The following ASCC3 variants were observed in gnomAD, a reference collection of about 807,000 sequenced individuals.
ASCC3 encodes the protein activating signal cointegrator 1 complex subunit 3.
ASCC3 carries 158 observed loss-of-function variants against 256.3 expected under a neutral mutation model. The ratio of observed to expected loss-of-function variants is 0.62; its 90% CI spans 0.54 to 0.70. The LOEUF (loss-of-function observed/expected upper bound fraction) is 0.70. Ranked by LOEUF, ASCC3 falls within the 30% of genes least tolerant of loss-of-function variation. The probability of loss-of-function intolerance (pLI) is 0.00; values close to 1 mark genes in which losing one functional copy is unlikely to be tolerated. For missense variants in ASCC3, 2,259 were observed against 2,626.0 expected (o/e 0.86, Z 3.05); for synonymous variants, 948 against 883.4 (o/e 1.07, Z -1.30).
rs552341596 is a variant in ASCC3, at chr6:100,730,940, T to A, written c.1738-5237A>T. Among the ~76,000 whole-genome samples the A allele has an allele frequency of 9.8e-5, 15 of 152,300 alleles. No individual in the cohort carries two copies. The South Asian group carries it at 3.1e-3, about 32-fold the overall frequency. On this transcript the variant is annotated intron_variant, in intron 10 of 41. Coordinates refer to ENST00000369162, the MANE Select transcript of ASCC3 (RefSeq NM_006828.4). ...TTATGTCAAGGATGGTGGCTTTCAATTACAAAATAAAAATGTATTCAAGTA... is the reference window on the plus strand; with the variant it reads ...TTATGTCAAGGATGGTGGCTTTCAAATACAAAATAAAAATGTATTCAAGTA...
intron 34 of ASCC3, among the ~76,000 whole-genome samples, chr6:100,590,431 A>G (rs761002197): frequency 1.2e-4 from 18 of 152,166 alleles, no homozygotes; most frequent in Non-Finnish European, 1.6e-4. Flanking sequence ...CATCCCTGCA[A>G]CACTGAGAAG....
intron 39 of ASCC3, 30 bp downstream of exon 39, chr6:100,516,150 G>A (rs1429791643): frequency 3.7e-6 from 6 of 1,613,116 alleles, no homozygotes; most frequent in South Asian, 1.1e-5. Context: ...GAGTAGGGGA[G>A]CCTTCAAAAC....
intron 14 of ASCC3, among the ~76,000 whole-genome samples, chr6:100,672,014 T>C (rs1025239185): frequency 2.6e-5 from 4 of 152,174 alleles, no homozygotes; most frequent in Middle Eastern, 3.4e-3. Context: ...CATGTTTTTA[T>C]GTCAGCCTTT....
chr6:100,588,441 A>G (rs1771818847), intron 36 of ASCC3, among the ~76,000 whole-genome samples: 1 of 152,124 alleles, frequency 6.6e-6, no homozygotes, highest in African/African-American at 2.4e-5. Context: ...ACTTTTATGA[A>G]TCTTTGGCTA....
At chr6:100,801,272 T>C (rs1367076149) in intron 5 of ASCC3, among the ~76,000 whole-genome samples, 1 of 152,060 alleles carries the variant, frequency 6.6e-6, no homozygotes, top group East Asian at 1.9e-4. Flanking sequence ...AGAAGGAATG[T>C]AGTTGAAAGT....
At chr6:100,726,931 G>A (rs1456534268) in intron 10 of ASCC3, among the ~76,000 whole-genome samples, 2 of 151,958 alleles carry the variant, frequency 1.3e-5, no homozygotes, top group East Asian at 3.9e-4. Flanking sequence ...CCTGTCCACT[G>A]GGAAAATGGC....
At chr6:100,537,128 C>A (rs890159906) in intron 37 of ASCC3, among the ~76,000 whole-genome samples, 1 of 151,946 alleles carries the variant, frequency 6.6e-6, no homozygotes, top group Non-Finnish European at 1.5e-5. Context: ...TTATTAATTA[C>A]AAAAGAAAAA....
chr6:100,580,686 C>G (rs1367337379), intron 36 of ASCC3, among the ~76,000 whole-genome samples: 1 of 151,550 alleles, frequency 6.6e-6, no homozygotes, highest in Non-Finnish European at 1.5e-5. Flanking sequence ...CACCCACTAA[C>G]TCGTCATCTA....
At chr6:100,872,988 C>T (rs1350210701) in intron 1 of ASCC3, among the ~76,000 whole-genome samples, 2 of 152,008 alleles carry the variant, frequency 1.3e-5, no homozygotes, top group African/African-American at 4.8e-5. Context: ...CTTTAACACC[C>T]CCCCCAAAAA....
chr6:100,806,019 T>G, intron 4 of ASCC3, 139 bp from the exon 5 acceptor site: 5 of 730,568 alleles, frequency 6.8e-6, no homozygotes, highest in Non-Finnish European at 1.1e-5. Context: ...AATGGTACCT[T>G]AAACTAAGAA....
chr6:100,662,088 G>T, intron 15 of ASCC3, 58 bp from the exon 16 acceptor site: 2 of 1,496,292 alleles, frequency 1.3e-6, no homozygotes, highest in East Asian at 2.3e-5. Context: ...TAATCCTGAT[G>T]AACTGAATAC....
intron 3 of ASCC3, chr6:100,858,893 ATACAT>A (rs1455113317): frequency 9.5e-6 from 5 of 527,366 alleles, no homozygotes; most frequent in East Asian, 3.3e-5. Flanking sequence ...ATCAAGGATC[ATACAT>A]TACATTTTGA....
intron 16 of ASCC3, 54 bp from the exon 17 acceptor site, chr6:100,655,872 T>C (rs1248237578): frequency 6.3e-6 from 10 of 1,585,822 alleles, no homozygotes; most frequent in African/African-American, 1.3e-5. Context: ...ACATAAACAT[T>C]ACATCAAAGT....
intron 36 of ASCC3, among the ~76,000 whole-genome samples, chr6:100,566,350 G>A (rs1463013030): frequency 6.6e-6 from 1 of 152,078 alleles, no homozygotes; most frequent in Admixed American, 6.6e-5. Flanking sequence ...AGGTTAAAAT[G>A]GTCATGCTGA....
intron 10 of ASCC3, among the ~76,000 whole-genome samples, chr6:100,748,432 G>A (rs748707259): frequency 6.6e-6 from 1 of 152,006 alleles, no homozygotes; most frequent in Non-Finnish European, 1.5e-5. Flanking sequence ...AATAATAACA[G>A]TAAAACAAGA....
intron 4 of ASCC3, among the ~76,000 whole-genome samples, chr6:100,840,410 C>T (rs1419166998): frequency 6.6e-6 from 1 of 151,594 alleles, no homozygotes; most frequent in Non-Finnish European, 1.5e-5. Flanking sequence ...TCACTAAAGC[C>T]TCAACCTCCC....
intron 10 of ASCC3, among the ~76,000 whole-genome samples, chr6:100,749,039 G>T (rs1156301283): frequency 6.6e-6 from 1 of 152,046 alleles, no homozygotes; most frequent in Non-Finnish European, 1.5e-5. Context: ...ATATGAATGT[G>T]AGGAAATTTC....
At chr6:100,812,080 T>A (rs1770497657) in intron 4 of ASCC3, among the ~76,000 whole-genome samples, 2 of 151,994 alleles carry the variant, frequency 1.3e-5, no homozygotes, top group Non-Finnish European at 1.5e-5. Flanking sequence ...ACAAACAACA[T>A]CAGAAGCTTA....
Position 100,625,280 on chromosome 6 carries a change from C to G in ASCC3, c.4697G>C (p.Arg1566Pro). The change falls in exon 30 of 42, where the codon CGT becomes CCT. Residue 1566 changes from arginine (R) to proline (P), a missense_variant. Arg to Pro is a moderately radical substitution (Grantham distance 103, BLOSUM62 -2). Transcript: ENST00000369162. ...KPVLIFVSSR[R>P]QTRLTALELI... The stretch of plus-strand genomic sequence containing the variant: ...TTCCAAAGCAGTAAGACGAGTTTGA[C>G]GTCTTGATGAGACAAATATCAAAAC... 6.2e-7 allele frequency: 1 copy of G among 1,612,928 alleles called. No individual in the cohort carries two copies. Among genetic ancestry groups the G allele is most frequent in the Non-Finnish European group, 8.5e-7 (1 of 1,179,222 alleles).
Sources: allele counts gnomAD v4.1 joint callset (sites outside exome capture counted in the v4.1 genomes callset), GRCh38; gene constraint gnomAD v4.1.1; transcripts MANE v1.5; gene names NCBI Gene and HGNC (gene_info 2026-07-23, HGNC 2026-07-21).